INO80: variants seen among roughly 807,000 people sequenced by gnomAD.
The protein encoded by INO80 is INO80 complex ATPase subunit.
A neutral mutation model predicts 203.4 loss-of-function variants in INO80; 20 were observed. The ratio of observed to expected loss-of-function variants is 0.10; its 90% CI spans 0.07 to 0.14. The LOEUF (loss-of-function observed/expected upper bound fraction) is 0.14. INO80 is among the 10% of genes least tolerant of loss of function. INO80 has a pLI of 1.00. For synonymous variants in INO80, 726 were observed against 685.2 expected (o/e 1.06, Z -0.93); for missense variants, 1,419 against 1,914.4 (o/e 0.74, Z 4.83).
At position 41,050,048 on chromosome 15, in the gene INO80, C is replaced by G. The variant is rs748514660; in HGVS notation, c.2329G>C (p.Ala777Pro). 2 of 1,613,728 alleles carry G rather than the reference C, an allele frequency of 1.2e-6. No individual in the cohort carries two copies. The highest frequency in any genetic ancestry group is 1.7e-6 in the Non-Finnish European group (2 of 1,179,714). ...TCAATGGAAATTTTGTTCTTTAGTG[C>G]CTGATATAGCAGCTTCTGTCGGCTG... ...LTSRQKLLYQ[A>P]LKNKISIEDL... Residue 777 changes from alanine (A) to proline (P), a missense_variant, in exon 20 of 36, where the codon GCA (alanine) becomes CCA (proline). By Grantham distance (27) the Ala-to-Pro change is conservative. Transcript: ENST00000648947.
chr15:41,048,183 C>A (rs1366489617), intron 22 of INO80, 29 bp downstream of exon 22: 1 of 1,567,622 alleles, frequency 6.4e-7, no homozygotes, highest in African/African-American at 1.4e-5. Flanking sequence ...CCCTGACAAA[C>A]CTACTTTCCC....
chr15:41,032,720 C>T (rs1406660137), intron 24 of INO80, among the ~76,000 whole-genome samples: 3 of 152,238 alleles, frequency 2.0e-5, no homozygotes, highest in African/African-American at 7.2e-5. Flanking sequence ...TTAGGAGTCA[C>T]TTGACTCACT....
Position 41,044,985 on chromosome 15 carries a change from T to C in INO80, c.2826A>G (p.Arg942=), listed in dbSNP as rs1016748286. ...GAAGGAAATCCTTGTTCCTCAGGTA[T>C]CTCTGGTGGCTCTCCCCTTCTGGCG... ...WGAPEGESHQ[R]YLRNKDFLLG... The change falls in exon 24 of 36, where the codon AGA becomes AGG. Residue 942 remains arginine (R), a synonymous_variant. Coordinates refer to ENST00000648947, the MANE Select transcript of INO80 (RefSeq NM_017553.3). 3.1e-6 allele frequency: 5 copies of C among 1,613,956 alleles called. No homozygotes were observed. The Admixed American group carries it at 5.0e-5, about 16-fold the overall frequency.
chr15:41,105,392 T>C (rs1385094109), intron 1 of INO80, among the ~76,000 whole-genome samples: 4 of 152,306 alleles, frequency 2.6e-5, no homozygotes, highest in Admixed American at 6.5e-5. Flanking sequence ...GAGATTTATA[T>C]GCCAAATGTT....
intron 23 of INO80, among the ~76,000 whole-genome samples, chr15:41,045,975 G>T (rs1219593651): frequency 6.6e-6 from 1 of 151,538 alleles, no homozygotes; most frequent in Admixed American, 6.6e-5. Flanking sequence ...AATAAAATCA[G>T]TGAGAACCAT....
chr15:41,072,181 T>C (rs1452000669), intron 11 of INO80, 123 bp from the exon 12 acceptor site: 2 of 613,470 alleles, frequency 3.3e-6, no homozygotes, highest in Non-Finnish European at 5.5e-6. Context: ...ACAAAATTTC[T>C]CATAATCTGA....
At chr15:40,997,694 G>C in intron 28 of INO80, 93 bp from the exon 29 acceptor site, 1 of 816,762 alleles carries the variant, frequency 1.2e-6, no homozygotes, top group South Asian at 1.4e-5. Context: ...AGAACATAAA[G>C]TCTAGGACTA....
At chr15:41,070,236 T>A (rs527548111) in intron 13 of INO80, among the ~76,000 whole-genome samples, 51 of 152,354 alleles carry the variant, frequency 3.3e-4, no homozygotes, top group Admixed American at 2.0e-3. Context: ...TGGTAATTAA[T>A]GCAGAGCGGA....
chr15:41,058,806 G>A (rs772087742), intron 15 of INO80, 25 bp from the exon 16 acceptor site: 11 of 1,598,654 alleles, frequency 6.9e-6, no homozygotes, highest in South Asian at 1.1e-5. Flanking sequence ...GGGGAAGGGT[G>A]AAAAGAGAAA....
At chr15:41,002,109 T>C (rs1035178859) in intron 28 of INO80, among the ~76,000 whole-genome samples, 6 of 152,228 alleles carry the variant, frequency 3.9e-5, no homozygotes, top group African/African-American at 1.2e-4. Flanking sequence ...AAGGAGACTT[T>C]AGTCTCTTTT....
chr15:41,043,097 C>A (rs1455116441), intron 24 of INO80, among the ~76,000 whole-genome samples: 2 of 152,154 alleles, frequency 1.3e-5, no homozygotes, highest in African/African-American at 4.8e-5. Flanking sequence ...GATATAAGGA[C>A]CTCACTAAGC....
chr15:41,070,944 A>AT (rs2045300948), intron 12 of INO80, among the ~76,000 whole-genome samples: 1 of 152,258 alleles, frequency 6.6e-6, no homozygotes, highest in South Asian at 2.1e-4. Context: ...CGAGGCAGGC[A>AT]TATCGCATGA....
In INO80 at chr15:41,049,428, G is replaced by A; in HGVS notation, c.2443-8C>T. 6.2e-7 allele frequency: 1 copy of A among 1,613,524 alleles called. No individual in the cohort carries two copies. The highest frequency in any genetic ancestry group is 8.5e-7 in the Non-Finnish European group (1 of 1,179,596). Reference sequence around the variant, plus strand: ...CTCCGGGTGATTACACACCTAAAAGGAAGGGAAATGGTAAGACAATATTAC... The same window carrying A: ...CTCCGGGTGATTACACACCTAAAAGAAAGGGAAATGGTAAGACAATATTAC... On this transcript the variant is annotated splice_region_variant and splice_polypyrimidine_tract_variant and intron_variant, in intron 20 of 35. Coordinates refer to ENST00000648947, the MANE Select transcript of INO80 (RefSeq NM_017553.3).
chr15:40,988,185 TCA>T (rs2043767049), intron 29 of INO80, among the ~76,000 whole-genome samples: 2 of 152,244 alleles, frequency 1.3e-5, no homozygotes, highest in Admixed American at 1.3e-4. Context: ...TTTATTTTTT[TCA>T]GTTTTCACTT....
rs1480601743 is a variant in INO80, at chr15:41,017,916, C to A, written c.3275-1701G>T. The A allele has an allele frequency of 3.9e-5, 6 of 152,202 alleles. 1 individual carries two copies. The highest frequency in any genetic ancestry group is 5.9e-5 in the Non-Finnish European group (4 of 68,040). The allele number at this position is 152,202 out of a possible 1,614,324, so 9.4% of individuals were successfully genotyped here. A position where few individuals can be genotyped will look rare whatever the true frequency, so the allele number is the denominator to read the frequency against. On this transcript the variant is annotated intron_variant, in intron 26 of 35. Coordinates refer to ENST00000648947, the MANE Select transcript of INO80 (RefSeq NM_017553.3). Reference sequence around the variant, plus strand: ...TGACTGCTAAGCCCTCTCCCTGGCACCAGACAAGGAGTACTGTATAAATTC... The same window carrying A: ...TGACTGCTAAGCCCTCTCCCTGGCAACAGACAAGGAGTACTGTATAAATTC...
chr15:40,984,919 A>G (rs1320819800), intron 32 of INO80, among the ~76,000 whole-genome samples: 3 of 152,240 alleles, frequency 2.0e-5, no homozygotes, highest in Admixed American at 6.5e-5. Context: ...ACATTTAGAA[A>G]TAAACCGGGG....
intron 25 of INO80, among the ~76,000 whole-genome samples, chr15:41,026,699 C>T (rs1478147533): frequency 6.6e-6 from 1 of 152,104 alleles, no homozygotes; most frequent in African/African-American, 2.4e-5. Context: ...GGAAAGTTGC[C>T]TCTTGGAGCA....
chr15:41,096,782 T>C (rs2045731474), intron 1 of INO80, among the ~76,000 whole-genome samples: 1 of 152,226 alleles, frequency 6.6e-6, no homozygotes, highest in Non-Finnish European at 1.5e-5. Flanking sequence ...ACCTTCAAAA[T>C]AGGTGCTGCC....
chr15:41,100,140 T>A (rs2045785730), intron 1 of INO80, among the ~76,000 whole-genome samples: 1 of 152,096 alleles, frequency 6.6e-6, no homozygotes, highest in Non-Finnish European at 1.5e-5. Flanking sequence ...TGTGGCCCAA[T>A]CTCGGCTCAC....
Sources: gnomAD v4.1 joint callset for allele counts (sites outside exome capture counted in the v4.1 genomes callset) on GRCh38, gnomAD v4.1.1 for gene constraint, MANE v1.5 for transcripts, NCBI Gene and HGNC (gene_info 2026-07-23, HGNC 2026-07-21) for gene names.